The following TNKS variants were observed in gnomAD, a reference collection of about 807,000 sequenced individuals.
TNKS encodes the protein poly [ADP-ribose] polymerase tankyrase-1.
Under a neutral mutation model 135.8 loss-of-function variants are expected in TNKS, and 72 were observed. The ratio of observed to expected loss-of-function variants is 0.53; its 90% confidence interval spans 0.44 to 0.64. TNKS has a LOEUF of 0.64. Ranked by LOEUF, TNKS falls within the 30% of genes least tolerant of loss-of-function variation. TNKS has a pLI of 0.00. For synonymous variants in TNKS, 849 were observed against 649.3 expected (o/e 1.31, Z -4.68); for missense variants, 1,769 against 1,674.0 (o/e 1.06, Z -0.99).
intron 17 of TNKS, among the ~76,000 whole-genome samples, chr8:9,742,361 T>G (rs868537961): frequency 1.3e-5 from 2 of 151,684 alleles, no homozygotes; most frequent in Non-Finnish European, 1.5e-5. Flanking sequence ...GATAATACCT[T>G]TTTTTTGTTT....
chr8:9,689,303 T>C (rs1305796954), intron 5 of TNKS, among the ~76,000 whole-genome samples: 1 of 152,208 alleles, frequency 6.6e-6, no homozygotes, highest in African/African-American at 2.4e-5. Context: ...TATTCTGCCT[T>C]TTAAAAGAAT....
intron 1 of TNKS, 30 bp downstream of exon 1, chr8:9,556,642 G>A: frequency 6.2e-7 from 1 of 1,611,506 alleles, no homozygotes; most frequent in East Asian, 2.2e-5. Flanking sequence ...TTTATTAAGG[G>A]TTATGGGTTT....
chr8:9,706,811 C>A lies in TNKS; in HGVS notation c.1270C>A (p.His424Asn). ...HYEVTELLLK[H>N]GACVNAMDLW... ...TAAAATGTTTTTTTTCTCAATTCAG[C>A]ATGGAGCTTGTGTTAATGCCATGGA... is the stretch of plus-strand genomic sequence containing the variant. The change falls in exon 8 of 27, where the codon CAT becomes AAT. Residue 424 changes from histidine (H) to asparagine (N), a missense_variant and splice_region_variant. Transcript: ENST00000310430. 6.2e-7 allele frequency: 1 copy of A among 1,603,358 alleles called. No individual in the cohort carries two copies.
At chr8:9,616,730 T>G (rs1799658862) in intron 3 of TNKS, among the ~76,000 whole-genome samples, 1 of 152,202 alleles carries the variant, frequency 6.6e-6, no homozygotes, top group Non-Finnish European at 1.5e-5. Flanking sequence ...TAATATGACT[T>G]TTCTCAATCA....
At chr8:9,604,274 G>C (rs759165616) in intron 2 of TNKS, among the ~76,000 whole-genome samples, 25 of 151,928 alleles carry the variant, frequency 1.6e-4, no homozygotes, top group Non-Finnish European at 3.2e-4. Context: ...ATATACTACT[G>C]TATGTACAAA....
chr8:9,710,214 C>T lies in TNKS; in HGVS notation c.1743C>T (p.Gly581=), dbSNP rs541180770. The T allele has an allele frequency of 9.9e-6, 16 of 1,614,018 alleles. No homozygotes were observed. The highest frequency in any genetic ancestry group is 1.3e-5 in the African/African-American group (1 of 74,934). The part of the protein sequence containing the change: ...NDVMEVLHKH[G]AKMNALDTLG... ...TCATGGAAGTTCTGCATAAGCATGG[C>T]GCCAAGGTGAGGCACACACCTGAGC... The change falls in exon 11 of 27, where the codon GGC becomes GGT. Residue 581 remains glycine (G), a synonymous_variant. Transcript: ENST00000310430.
intron 1 of TNKS, among the ~76,000 whole-genome samples, chr8:9,570,542 G>A (rs898374644): frequency 6.6e-6 from 1 of 152,102 alleles, no homozygotes; most frequent in Admixed American, 6.5e-5. Context: ...AAAAGCATGC[G>A]GTTAGTACAG....
intron 2 of TNKS, among the ~76,000 whole-genome samples, chr8:9,597,472 A>G (rs989810512): frequency 1.3e-5 from 2 of 151,450 alleles, no homozygotes; most frequent in African/African-American, 4.9e-5. Context: ...ATCCTTTGTA[A>G]TTTTGTAAAC....
intron 2 of TNKS, among the ~76,000 whole-genome samples, chr8:9,609,709 A>G (rs1278399769): frequency 1.3e-5 from 2 of 152,130 alleles, no homozygotes; most frequent in Non-Finnish European, 2.9e-5. Flanking sequence ...TTTTAAATCT[A>G]GTTCTGTTCA....
chr8:9,763,914 C>G (rs1807283393), intron 22 of TNKS, among the ~76,000 whole-genome samples: 1 of 152,100 alleles, frequency 6.6e-6, no homozygotes, highest in East Asian at 1.9e-4. Flanking sequence ...AATTAGTGCT[C>G]ATTTTATTTT....
rs113538932 is a variant in TNKS at position 9,595,925 on chromosome 8, A to G, written c.898+15542A>G. ...TTCAGAGTTTGAGACCAGCCTGAGC[A>G]ATAAAGTGAGATCCTGTCTCTACAA... On this transcript the variant is annotated intron_variant, in intron 2 of 26. Transcript: ENST00000310430. 3.1e-3 allele frequency among the ~76,000 whole-genome samples: 467 copies of G among 152,304 alleles called. 2 individuals carry two copies. The highest frequency in any genetic ancestry group is 0.01 in the African/African-American group (432 of 41,546).
At chr8:9,615,193 A>G (rs1799593914) in intron 2 of TNKS, 1 of 159,724 alleles carries the variant, frequency 6.3e-6, no homozygotes, top group African/African-American at 2.4e-5. Context: ...TCAGCAGTAA[A>G]GCAGCGACAG....
At chr8:9,589,372 G>C (rs1289837486) in intron 2 of TNKS, among the ~76,000 whole-genome samples, 1 of 152,214 alleles carries the variant, frequency 6.6e-6, no homozygotes, top group African/African-American at 2.4e-5. Flanking sequence ...TGAAGTTATA[G>C]TAAATAACTG....
chr8:9,623,635 AT>A (rs1436988804), intron 3 of TNKS, among the ~76,000 whole-genome samples: 2 of 152,322 alleles, frequency 1.3e-5, no homozygotes, highest in Non-Finnish European at 2.9e-5. Flanking sequence ...CAAACCTTCA[AT>A]TTGTAAAAAA....
At chr8:9,717,072 A>ATATTTAT (rs376229840) in intron 11 of TNKS, among the ~76,000 whole-genome samples, 1 of 79,460 alleles carries the variant, frequency 1.3e-5, no homozygotes, top group Non-Finnish European at 2.5e-5. Context: ...GTTGTATTAT[A>ATATTTAT]ATATATATAT....
chr8:9,735,347 C>G, intron 16 of TNKS, 30 bp from the exon 17 acceptor site: 3 of 1,587,064 alleles, frequency 1.9e-6, no homozygotes, highest in South Asian at 1.1e-5. Flanking sequence ...TAAGCTGACA[C>G]GTTTCCTGTA....
At chr8:9,615,443 CT>C (rs1319752062) in intron 2 of TNKS, 138 bp from the exon 3 acceptor site, 16 of 623,708 alleles carry the variant, frequency 2.6e-5, no homozygotes, top group East Asian at 6.4e-5. Context: ...TGCTTTTTTG[CT>C]TTTTTTCTTT....
At chr8:9,773,211 AAT>A (rs1243177256) in intron 26 of TNKS, among the ~76,000 whole-genome samples, 2 of 152,000 alleles carry the variant, frequency 1.3e-5, no homozygotes, top group East Asian at 3.8e-4. Context: ...TATATACATG[AAT>A]ATATGAATAG....
intron 3 of TNKS, among the ~76,000 whole-genome samples, chr8:9,664,894 A>AGGGATAC (rs1488267538): frequency 3.3e-5 from 5 of 152,222 alleles, no homozygotes; most frequent in African/African-American, 1.2e-4. Flanking sequence ...CGGCATTTCT[A>AGGGATAC]TACCATATCC....
Sources: gnomAD v4.1 joint callset for allele counts (sites outside exome capture counted in the v4.1 genomes callset) on GRCh38, gnomAD v4.1.1 for gene constraint, MANE v1.5 for transcripts, NCBI Gene and HGNC (gene_info 2026-07-23, HGNC 2026-07-21) for gene names.